USP13: variants seen among roughly 807,000 people sequenced by gnomAD.
The protein encoded by USP13 is ubiquitin carboxyl-terminal hydrolase 13.
Under a neutral mutation model 107.8 loss-of-function variants are expected in USP13, and 68 were observed. That is an observed-to-expected ratio of 0.63 (90% confidence interval 0.52 to 0.77). The LOEUF is 0.77. Among genes scored for constraint, USP13 ranks in the 30% least tolerant of loss-of-function variants. The pLI is 0.00. For missense variants in USP13, 945 were observed against 1,093.3 expected (o/e 0.86, Z 1.91); for synonymous variants, 377 against 389.5 (o/e 0.97, Z 0.38).
intron 8 of USP13, among the ~76,000 whole-genome samples, chr3:179,723,633 T>C (rs4346543): frequency 0.41 from 61,769 of 152,060 alleles, 14,783 homozygotes; most frequent in Non-Finnish European, 0.53. Context: ...TCAAGAGTCT[T>C]AGAATTTTAT....
intron 18 of USP13, 144 bp from the exon 19 acceptor site, chr3:179,765,551 A>C: frequency 2.2e-6 from 2 of 923,766 alleles, no homozygotes; most frequent in Non-Finnish European, 3.1e-6. Flanking sequence ...ATGCGGAGTC[A>C]GAGCTTCTTA....
At chr3:179,779,719 TAAAAA>T (rs113797839) in intron 19 of USP13, among the ~76,000 whole-genome samples, 3 of 103,854 alleles carry the variant, frequency 2.9e-5, no homozygotes, top group African/African-American at 6.9e-5. Flanking sequence ...AAGGGTTTGT[TAAAAA>T]AAAAAAAAAA....
intron 6 of USP13, among the ~76,000 whole-genome samples, chr3:179,709,615 C>T (rs1388023249): frequency 6.6e-6 from 1 of 152,118 alleles, no homozygotes; most frequent in Admixed American, 6.5e-5. Context: ...CAGTTAATAC[C>T]TTCTACCATT....
chr3:179,745,380 C>G (rs914706335), intron 13 of USP13, among the ~76,000 whole-genome samples, 163 bp downstream of exon 13: 3 of 152,130 alleles, frequency 2.0e-5, no homozygotes, highest in Non-Finnish European at 4.4e-5. Flanking sequence ...TCAAACTTCA[C>G]TTGTGTGAGA....
chr3:179,667,579 G>A (rs551458631), intron 1 of USP13, among the ~76,000 whole-genome samples: 4 of 152,230 alleles, frequency 2.6e-5, no homozygotes, highest in South Asian at 2.1e-4. Flanking sequence ...GCTGGACCTC[G>A]TGCCCTGCCC....
chr3:179,724,407 G>C (rs566616396), intron 8 of USP13, among the ~76,000 whole-genome samples: 1 of 145,976 alleles, frequency 6.9e-6, no homozygotes, highest in East Asian at 2.0e-4. Flanking sequence ...GCAGTGAGCC[G>C]AGATTGCTCT....
chr3:179,724,488 T>G (rs1235321267), intron 8 of USP13, among the ~76,000 whole-genome samples: 1 of 144,378 alleles, frequency 6.9e-6, no homozygotes, highest in South Asian at 2.2e-4. Flanking sequence ...AAAGAAATAA[T>G]AATAAGAAAA....
At position 179,653,444 on chromosome 3, in the gene USP13, G is replaced by T. The variant is rs556049989; in HGVS notation, c.168+51G>T. The T allele has an allele frequency of 6.5e-7, 1 of 1,529,496 alleles. No individual in the cohort carries two copies. Among genetic ancestry groups the T allele is most frequent in the Non-Finnish European group, 8.8e-7 (1 of 1,134,350 alleles). 94.7% of individuals were successfully genotyped at this position (1,529,496 alleles called of 1,614,324 possible). A position where few individuals can be genotyped will look rare whatever the true frequency, so the allele number is the denominator to read the frequency against. ...TCGCGGGGCCGGCGGCCTGCGGCACGTGAAGCCGGGGGAGAAGATGCGCAG... is the reference window on the plus strand; with the variant it reads ...TCGCGGGGCCGGCGGCCTGCGGCACTTGAAGCCGGGGGAGAAGATGCGCAG... On this transcript the variant is annotated intron_variant, in intron 1 of 20. Coordinates refer to ENST00000263966, the MANE Select transcript of USP13 (RefSeq NM_003940.3). The surrounding 1 kb of genome is among the most constrained non-coding windows in gnomAD (Gnocchi z 4.0).
At position 179,721,618 on chromosome 3, in the gene USP13, C is replaced by G. The variant is rs771251195; in HGVS notation, c.1088+29C>G. 3 of 1,605,140 alleles carry G rather than the reference C, an allele frequency of 1.9e-6. No homozygotes were observed. The highest frequency in any genetic ancestry group is 2.7e-5 in the African/African-American group (2 of 74,774). On this transcript the variant is annotated intron_variant, in intron 8 of 20. Transcript: ENST00000263966. This position sits in a 1 kb window ranked among gnomAD's most constrained non-coding sequence, Gnocchi z 4.3. ...AGTGCCTTCCATGCAGACCAGGGCA[C>G]GCGGCACCTCCCTGCCCCATCTAGG...
intron 3 of USP13, among the ~76,000 whole-genome samples, chr3:179,699,752 TTTA>T (rs1354953554): frequency 7.0e-5 from 5 of 71,914 alleles, no homozygotes; most frequent in Admixed American, 4.5e-4. Context: ...ATTTATTTTA[TTTA>T]TTTATTTATT....
chr3:179,747,592 G>A (rs1427133832), intron 13 of USP13, among the ~76,000 whole-genome samples: 1 of 152,162 alleles, frequency 6.6e-6, no homozygotes, highest in Non-Finnish European at 1.5e-5. Context: ...TCAACACCTG[G>A]AAATGGCCCA....
Position 179,673,016 on chromosome 3 carries a change from T to C in USP13, c.169-8862T>C, listed in dbSNP as rs557765273. On this transcript the variant is annotated intron_variant, in intron 1 of 20. Coordinates refer to ENST00000263966, the MANE Select transcript of USP13 (RefSeq NM_003940.3). ...AGGCAGCCACTTTCCTGAAGAACCA[T>C]GTGAGACTGGCTTGGTTACAGCAGG... 2.7e-3 allele frequency among the ~76,000 whole-genome samples: 412 copies of C among 152,278 alleles called. 5 individuals are homozygous for C. The highest frequency in any genetic ancestry group is 9.4e-3 in the African/African-American group (390 of 41,554).
Position 179,653,538 on chromosome 3 carries a change from C to CA in USP13, c.168+146dup. 1 of 1,188,596 alleles carries CA rather than the reference C, an allele frequency of 8.4e-7. No homozygotes were observed. 73.6% of individuals were successfully genotyped at this position (1,188,596 alleles called of 1,614,324 possible). ...CTCAGGAACACTGCAGTTCGGCAGA[C>CA]ACTTAGTGAGCGCCCCAGGGCTGCT... is the stretch of plus-strand genomic sequence containing the variant. On this transcript the variant is annotated intron_variant, in intron 1 of 20. Transcript: ENST00000263966. This position sits in a 1 kb window ranked among gnomAD's most constrained non-coding sequence, Gnocchi z 4.0.
At chr3:179,712,355 G>C (rs1264094713) in intron 6 of USP13, among the ~76,000 whole-genome samples, 1 of 152,120 alleles carries the variant, frequency 6.6e-6, no homozygotes, top group South Asian at 2.1e-4. Context: ...AGAGATAAAA[G>C]TTTAGATAAA....
rs1444245673 is a variant in USP13 at position 179,718,097 on chromosome 3, CTG to C, written c.806-1841_806-1840del. Among the ~76,000 whole-genome samples, 4 of 152,058 alleles carry C rather than the reference CTG, an allele frequency of 2.6e-5. No homozygotes were observed. In the East Asian group the frequency reaches 7.7e-4, roughly 29 times the overall value. ...AGCTCCTTGGACAGTCTGTCTTATA[CTG>C]TCCCTAAGAGTGATATCTTCATATT... On this transcript the variant is annotated intron_variant, in intron 6 of 20. Transcript: ENST00000263966.
intron 19 of USP13, among the ~76,000 whole-genome samples, chr3:179,776,188 G>T (rs1715531898): frequency 2.0e-5 from 3 of 152,112 alleles, no homozygotes; most frequent in Non-Finnish European, 4.4e-5. Flanking sequence ...TTTCTCTAAT[G>T]AACCAGATAA....
intron 2 of USP13, among the ~76,000 whole-genome samples, chr3:179,686,572 CT>C (rs1205209560): frequency 6.6e-6 from 1 of 152,220 alleles, no homozygotes; most frequent in East Asian, 1.9e-4. Flanking sequence ...GAGTGAGACT[CT>C]GTCTCTTAGA....
chr3:179,771,423 A>T (rs924535856), intron 19 of USP13, among the ~76,000 whole-genome samples: 1 of 152,210 alleles, frequency 6.6e-6, no homozygotes, highest in African/African-American at 2.4e-5. Context: ...TGAGCTGAGA[A>T]GGGACAGGTT....
At chr3:179,745,425 C>T (rs544666681) in intron 13 of USP13, among the ~76,000 whole-genome samples, 6 of 152,198 alleles carry the variant, frequency 3.9e-5, no homozygotes, top group South Asian at 2.1e-4. Context: ...ATTTATATTA[C>T]GTGCTAAGGA....
Sources: allele counts gnomAD v4.1 joint callset (sites outside exome capture counted in the v4.1 genomes callset), GRCh38; gene constraint gnomAD v4.1.1; non-coding constraint Gnocchi (gnomAD v3.1); transcripts MANE v1.5; gene names NCBI Gene and HGNC (gene_info 2026-07-23, HGNC 2026-07-21).